Variants in BBS9 observed in about 807,000 individuals in gnomAD.
BBS9 encodes protein PTHB1.
A neutral mutation model predicts 117.7 loss-of-function variants in BBS9; 89 were observed. That is an observed-to-expected ratio of 0.76 (90% CI 0.64 to 0.90). The LOEUF (loss-of-function observed/expected upper bound fraction) is 0.90, where lower values mean the gene tolerates loss of function less well. BBS9 is among the 40% of genes least tolerant of loss of function. The probability of loss-of-function intolerance (pLI) is 0.00; values close to 1 mark genes in which losing one functional copy is unlikely to be tolerated. For synonymous variants in BBS9, 379 were observed against 370.9 expected (o/e 1.02, Z -0.25); for missense variants, 982 against 1,042.2 (o/e 0.94, Z 0.80).
chr7:33,443,400 G>T (rs1370602730), intron 19 of BBS9, among the ~76,000 whole-genome samples: 1 of 152,046 alleles, frequency 6.6e-6, no homozygotes, highest in African/African-American at 2.4e-5. Context: ...ATCCAGATAT[G>T]CTGTCTTTCA....
intron 4 of BBS9, among the ~76,000 whole-genome samples, chr7:33,175,619 C>T (rs910087542): frequency 6.6e-6 from 1 of 152,112 alleles, no homozygotes; most frequent in Non-Finnish European, 1.5e-5. Context: ...GACAGCTTAG[C>T]ATTTACCTTA....
chr7:33,317,011 G>C (rs1431171927), intron 9 of BBS9, among the ~76,000 whole-genome samples: 1 of 152,060 alleles, frequency 6.6e-6, no homozygotes, highest in Non-Finnish European at 1.5e-5. Context: ...CTCTTTTTTA[G>C]GTCTGTGATC....
chr7:33,180,312 C>T (rs1475563726), intron 5 of BBS9, among the ~76,000 whole-genome samples: 5 of 152,022 alleles, frequency 3.3e-5, no homozygotes, highest in African/African-American at 1.2e-4. Context: ...CACCATTGCT[C>T]CATCTGCAAG....
At chr7:33,403,325 A>G (rs147304092) in intron 19 of BBS9, among the ~76,000 whole-genome samples, 10,158 of 127,170 alleles carry the variant, frequency 0.08, 382 homozygotes, top group African/African-American at 0.095. Flanking sequence ...TTATTTTATT[A>G]TTATTATACT....
At chr7:33,168,686 GT>G (rs920442427) in intron 4 of BBS9, among the ~76,000 whole-genome samples, 3 of 151,846 alleles carry the variant, frequency 2.0e-5, no homozygotes, top group Non-Finnish European at 2.9e-5. Flanking sequence ...TATTCATCTT[GT>G]TTTTTCTATT....
At chr7:33,539,746 G>A (rs1289343016) in intron 21 of BBS9, among the ~76,000 whole-genome samples, 1 of 152,186 alleles carries the variant, frequency 6.6e-6, no homozygotes, top group Non-Finnish European at 1.5e-5. Flanking sequence ...TGAACTGACT[G>A]CCAGATTTTC....
rs75607503 is a variant in BBS9 at position 33,335,741 on chromosome 7, T to C, written c.1017-700T>C. ...AAGATAATGAGGATGAGAAGAGTGATAGAGAAAGAGCTAGTAAATGGGACA... is the reference window on the plus strand; with the variant it reads ...AAGATAATGAGGATGAGAAGAGTGACAGAGAAAGAGCTAGTAAATGGGACA... On this transcript the variant is annotated intron_variant, in intron 9 of 22. Coordinates refer to ENST00000242067, the MANE Select transcript of BBS9 (RefSeq NM_198428.3). Among the ~76,000 whole-genome samples the C allele has an allele frequency of 0.02, 3,011 of 152,008 alleles. 206 individuals are homozygous for C. The East Asian group carries it at 0.26, about 13-fold the overall frequency.
At chr7:33,430,399 T>C (rs1834263678) in intron 19 of BBS9, among the ~76,000 whole-genome samples, 1 of 152,210 alleles carries the variant, frequency 6.6e-6, no homozygotes, top group African/African-American at 2.4e-5. Context: ...TTCCATGGAC[T>C]CAGCAGCTTT....
At chr7:33,296,469 G>GT (rs1000400209) in intron 9 of BBS9, among the ~76,000 whole-genome samples, 20 of 152,214 alleles carry the variant, frequency 1.3e-4, no homozygotes, top group African/African-American at 4.8e-4. Flanking sequence ...TGAGTTTGTA[G>GT]TTTGGAAGTT....
chr7:33,409,126 A>G (rs1173626490), intron 19 of BBS9, among the ~76,000 whole-genome samples: 3 of 151,888 alleles, frequency 2.0e-5, no homozygotes, highest in Non-Finnish European at 2.9e-5. Context: ...TCTGTTGATA[A>G]TTTCTATTGC....
At chr7:33,297,027 A>G (rs1805413695) in intron 9 of BBS9, among the ~76,000 whole-genome samples, 1 of 152,166 alleles carries the variant, frequency 6.6e-6, no homozygotes, top group Non-Finnish European at 1.5e-5. Context: ...TTTCTTTCTG[A>G]TATAGAAAAG....
intron 21 of BBS9, among the ~76,000 whole-genome samples, chr7:33,596,184 A>G (rs1329105665): frequency 6.7e-6 from 1 of 148,904 alleles, no homozygotes. Context: ...AACTTAAAGT[A>G]AAATAAAAAA....
intron 19 of BBS9, among the ~76,000 whole-genome samples, chr7:33,403,412 C>A (rs1198376204): frequency 6.7e-6 from 1 of 149,674 alleles, no homozygotes; most frequent in African/African-American, 2.5e-5. Flanking sequence ...TGTGCTGCAC[C>A]CATTAACTCG....
intron 9 of BBS9, among the ~76,000 whole-genome samples, chr7:33,327,125 A>G (rs1283716854): frequency 6.6e-6 from 1 of 152,156 alleles, no homozygotes; most frequent in African/African-American, 2.4e-5. Context: ...CTTTACCTGC[A>G]GTGGCAAGGT....
chr7:33,630,145 C>G (rs1473330928), intron 21 of BBS9, among the ~76,000 whole-genome samples: 3 of 152,044 alleles, frequency 2.0e-5, no homozygotes, highest in African/African-American at 4.8e-5. Context: ...CTAAAAATCC[C>G]TTGTCAAATA....
chr7:33,403,010 A>G (rs1355189369), intron 19 of BBS9, among the ~76,000 whole-genome samples: 1 of 152,154 alleles, frequency 6.6e-6, no homozygotes, highest in African/African-American at 2.4e-5. Context: ...TGTTGCTGCA[A>G]AGATATGATT....
At chr7:33,527,522 C>A (rs955896514) in intron 20 of BBS9, among the ~76,000 whole-genome samples, 3 of 152,154 alleles carry the variant, frequency 2.0e-5, no homozygotes, top group Admixed American at 1.3e-4. Flanking sequence ...CAGGTGCGTC[C>A]GTCACCCCTT....
At chr7:33,291,331 A>G (rs1418944993) in intron 9 of BBS9, among the ~76,000 whole-genome samples, 2 of 152,194 alleles carry the variant, frequency 1.3e-5, no homozygotes, top group East Asian at 3.8e-4. Context: ...TGTTAAAATC[A>G]CAATAATTTT....
chr7:33,376,372 C>T lies in BBS9; in HGVS notation c.1790-7294C>T, dbSNP rs144522882. On this transcript the variant is annotated intron_variant, in intron 17 of 22. Transcript: ENST00000242067. ...TCCATGTTTCTGCAAAGGACATGAT[C>T]GTGTTCTTTATTATTGCTGCACAGT... 1.8e-3 allele frequency among the ~76,000 whole-genome samples: 268 copies of T among 152,242 alleles called. 2 individuals are homozygous for T. The highest frequency in any genetic ancestry group is 5.8e-3 in the African/African-American group (239 of 41,552).
Sources: gnomAD v4.1 joint callset for allele counts (sites outside exome capture counted in the v4.1 genomes callset) on GRCh38, gnomAD v4.1.1 for gene constraint, MANE v1.5 for transcripts, NCBI Gene and HGNC (gene_info 2026-07-23, HGNC 2026-07-21) for gene names.